The following CAST variants were observed in gnomAD, a reference collection of about 807,000 sequenced individuals.
CAST encodes the protein MIR583 host.
In CAST, 76 loss-of-function variants were observed where a neutral mutation model predicts 119.6. The observed-to-expected ratio is 0.64, with a 90% CI of 0.53 to 0.77. The LOEUF (loss-of-function observed/expected upper bound fraction) is 0.77, where lower values mean the gene tolerates loss of function less well. Among genes scored for constraint, CAST ranks in the 30% least tolerant of loss-of-function variants. CAST has a pLI of 0.00. For missense variants in CAST, 953 were observed against 946.5 expected, an observed-to-expected ratio of 1.01 and a Z score of -0.09; for synonymous variants, 319 against 331.6, an observed-to-expected ratio of 0.96 and a Z score of 0.41.
chr5:96,532,736 G>T (rs1745712670), intron 1 of CAST, among the ~76,000 whole-genome samples: 1 of 152,128 alleles, frequency 6.6e-6, no homozygotes, highest in Admixed American at 6.5e-5. Context: ...TGTAATCCCA[G>T]CTACTTGGGT....
At chr5:96,452,640 T>TAAAAAAAAAAAAA in the CAST span, among the ~76,000 whole-genome samples, 2 of 90,136 alleles carry the variant, frequency 2.2e-5, no homozygotes, top group East Asian at 3.3e-4. Context: ...TAAAGTATAA[T>TAAAAAAAAAAAAA]AAAAAAAAAA....
At chr5:96,174,439 G>A in the CAST span, among the ~76,000 whole-genome samples, 1 of 152,312 alleles carries the variant, frequency 6.6e-6, no homozygotes, top group East Asian at 1.9e-4. Flanking sequence ...CCACTCCTCC[G>A]CAGACAGGAG....
chr5:95,992,365 T>G, the CAST span, among the ~76,000 whole-genome samples: 1 of 151,860 alleles, frequency 6.6e-6, no homozygotes, highest in South Asian at 2.1e-4. Context: ...GGATATCAGG[T>G]GTCTCCTGAT....
the CAST span, among the ~76,000 whole-genome samples, chr5:96,438,177 G>C: frequency 6.6e-6 from 1 of 151,960 alleles, no homozygotes; most frequent in Non-Finnish European, 1.5e-5. Flanking sequence ...ATATAGTATA[G>C]TTGGCCAACT....
At chr5:96,249,976 G>C in the CAST span, among the ~76,000 whole-genome samples, 4 of 152,148 alleles carry the variant, frequency 2.6e-5, no homozygotes, top group Non-Finnish European at 4.4e-5. Context: ...GCTGACATCT[G>C]CTTCTCCTGC....
intron 1 of CAST, chr5:96,529,925 G>T: frequency 3.1e-6 from 1 of 327,596 alleles, no homozygotes; most frequent in South Asian, 2.4e-5. Context: ...CCCAGTCTTG[G>T]GTGTTTTTTC....
chr5:96,271,023 C>T, the CAST span, among the ~76,000 whole-genome samples: 1 of 151,144 alleles, frequency 6.6e-6, no homozygotes, highest in Non-Finnish European at 1.5e-5. Context: ...AGAAAGCAAC[C>T]CCATTTACAA....
chr5:96,128,162 C>T, the CAST span, among the ~76,000 whole-genome samples: 14 of 152,132 alleles, frequency 9.2e-5, no homozygotes, highest in Admixed American at 1.3e-4. Context: ...TTTTTAGTGG[C>T]ATGCCCTGTT....
At chr5:95,965,759 G>A in the CAST span, among the ~76,000 whole-genome samples, 59,688 of 152,050 alleles carry the variant, frequency 0.39, 13,970 homozygotes, top group East Asian at 0.84. Context: ...CAATTGAAGT[G>A]GAAGCTTGAT....
the CAST span, chr5:96,416,188 A>G: frequency 2.2e-5 from 23 of 1,051,198 alleles, no homozygotes; most frequent in African/African-American, 3.1e-4. Flanking sequence ...CATATGAATG[A>G]ATTAATGGGG....
chr5:96,652,054 C>T (rs1748101155), intron 1 of CAST, among the ~76,000 whole-genome samples: 1 of 152,208 alleles, frequency 6.6e-6, no homozygotes, highest in Non-Finnish European at 1.5e-5. Flanking sequence ...TTCCTAAGCA[C>T]TTACTGCTAA....
At chr5:96,357,078 T>C in the CAST span, among the ~76,000 whole-genome samples, 1 of 152,220 alleles carries the variant, frequency 6.6e-6, no homozygotes, top group Non-Finnish European at 1.5e-5. Flanking sequence ...CTAGGTATTT[T>C]ATTCTCTTTG....
At chr5:96,459,095 GT>G in the CAST span, among the ~76,000 whole-genome samples, 1 of 152,090 alleles carries the variant, frequency 6.6e-6, no homozygotes, top group Non-Finnish European at 1.5e-5. Flanking sequence ...TATACAGTTT[GT>G]CCCCAGATCG....
the CAST span, among the ~76,000 whole-genome samples, chr5:96,111,496 C>A: frequency 6.6e-6 from 1 of 152,192 alleles, no homozygotes; most frequent in South Asian, 2.1e-4. Flanking sequence ...GGTTTCAATC[C>A]TCTAAACACA....
chr5:96,723,582 C>T (rs1221089624), intron 4 of CAST, among the ~76,000 whole-genome samples: 1 of 151,840 alleles, frequency 6.6e-6, no homozygotes, highest in Admixed American at 6.6e-5. Context: ...TTTTGAATTT[C>T]AGAATTAAAA....
chr5:96,663,134 G>A (rs1748801974), intron 1 of CAST: 1 of 702,508 alleles, frequency 1.4e-6, no homozygotes. Context: ...GCCGGTTGTT[G>A]CCATGGCATT....
chr5:96,273,362 CA>C, the CAST span, among the ~76,000 whole-genome samples: 6 of 152,172 alleles, frequency 3.9e-5, no homozygotes, highest in African/African-American at 1.4e-4. Context: ...TGCAAAACCA[CA>C]GGGGCAGTGT....
At chr5:96,217,844 C>T in the CAST span, among the ~76,000 whole-genome samples, 1 of 152,160 alleles carries the variant, frequency 6.6e-6, no homozygotes. Flanking sequence ...AGGCATGAGG[C>T]ATGGTTTGCT....
chr5:96,160,596 T>C, the CAST span, among the ~76,000 whole-genome samples: 2,429 of 152,306 alleles, frequency 0.016, 50 homozygotes, highest in African/African-American at 0.055. Flanking sequence ...TGAGTACACA[T>C]ATGTTTTCAA....
Sources: gnomAD v4.1 joint callset for allele counts (sites outside exome capture counted in the v4.1 genomes callset) on GRCh38, gnomAD v4.1.1 for gene constraint, MANE v1.5 for transcripts, NCBI Gene and HGNC (gene_info 2026-07-23, HGNC 2026-07-21) for gene names.